Variants in ROBO2 observed in about 807,000 individuals in gnomAD.
The protein encoded by ROBO2 is roundabout guidance receptor 2.
ROBO2 carries 53 observed loss-of-function variants against 160.8 expected under a neutral mutation model. That is an observed-to-expected ratio of 0.33 (90% confidence interval 0.26 to 0.41). The LOEUF (loss-of-function observed/expected upper bound fraction) is 0.41. Ranked by LOEUF, ROBO2 falls within the 10% of genes least tolerant of loss-of-function variation. The pLI, the probability that ROBO2 is intolerant of heterozygous loss-of-function variation, is 1.00. For missense variants in ROBO2, 1,577 were observed against 1,722.4 expected (o/e 0.92, Z 1.49); for synonymous variants, 664 against 611.7 (o/e 1.09, Z -1.26).
chr3:77,352,347 C>T (rs927364018), intron 2 of ROBO2, among the ~76,000 whole-genome samples: 1 of 152,000 alleles, frequency 6.6e-6, no homozygotes, highest in Non-Finnish European at 1.5e-5. Context: ...GGCTTCTTTA[C>T]AATTCGTGCA....
At chr3:77,150,946 T>C (rs2150523842) in intron 2 of ROBO2, among the ~76,000 whole-genome samples, 1 of 152,254 alleles carries the variant, frequency 6.6e-6, no homozygotes, top group South Asian at 2.1e-4. Flanking sequence ...ACAGATGCTT[T>C]CAAGACATAG....
rs111741075 is a variant in ROBO2 at position 77,116,370 on chromosome 3, G to A, written c.388+18030G>A. On this transcript the variant is annotated intron_variant, in intron 2 of 25. Coordinates refer to ENST00000461745, the Ensembl canonical transcript of ROBO2. ...ATGTAACTGTTCATATTCAGCAATT[G>A]TGAATCCCTTAGTTTACTTGATGAC... 4.7e-3 allele frequency among the ~76,000 whole-genome samples: 711 copies of A among 152,226 alleles called. 8 individuals are homozygous for A. Among genetic ancestry groups the A allele is most frequent in the African/African-American group, 0.014 (576 of 41,530 alleles).
intron 2 of ROBO2, among the ~76,000 whole-genome samples, chr3:77,150,685 C>T (rs1161841759): frequency 6.6e-6 from 1 of 151,626 alleles, no homozygotes; most frequent in African/African-American, 2.4e-5. Context: ...ACTGAAAACT[C>T]AGTTTCAAAT....
intron 2 of ROBO2, among the ~76,000 whole-genome samples, chr3:76,032,097 G>C (rs1256127724): frequency 3.9e-5 from 6 of 152,126 alleles, no homozygotes; most frequent in Non-Finnish European, 7.3e-5. Context: ...GGGTGTATGT[G>C]TCCAGGAATT....
intron 2 of ROBO2, among the ~76,000 whole-genome samples, chr3:76,348,972 C>A (rs1186263712): frequency 1.3e-5 from 2 of 151,918 alleles, no homozygotes; most frequent in Non-Finnish European, 2.9e-5. Context: ...GTATTTATAC[C>A]CCAAGGAATT....
At chr3:76,310,119 A>T (rs2071508954) in intron 2 of ROBO2, among the ~76,000 whole-genome samples, 1 of 152,078 alleles carries the variant, frequency 6.6e-6, no homozygotes, top group Non-Finnish European at 1.5e-5. Flanking sequence ...ACCACGTCAG[A>T]CAATCCCAAA....
chr3:76,236,415 A>T (rs1156268066), intron 2 of ROBO2, among the ~76,000 whole-genome samples: 3 of 152,132 alleles, frequency 2.0e-5, no homozygotes, highest in Non-Finnish European at 4.4e-5. Flanking sequence ...ACTGAAATAA[A>T]TCTTGAGGGT....
At chr3:77,112,157 C>T (rs1214951543) in intron 2 of ROBO2, among the ~76,000 whole-genome samples, 2 of 139,058 alleles carry the variant, frequency 1.4e-5, no homozygotes, top group Admixed American at 1.5e-4. Flanking sequence ...GCGCCGCCGT[C>T]GCATTCCAGC....
In ROBO2 at chr3:77,162,833, TC is replaced by T. The variant is rs755999166; in HGVS notation, c.388+64494del. ...AGCAATGTTACTTTCTTTTTTCTTT[TC>T]TTTTTTTTCTTTTGAGATGGAGTCT... is the stretch of plus-strand genomic sequence containing the variant. On this transcript the variant is annotated intron_variant, in intron 2 of 25. Coordinates refer to ENST00000461745, the Ensembl canonical transcript of ROBO2. Among the ~76,000 whole-genome samples the T allele has an allele frequency of 4.6e-4, 70 of 152,202 alleles. 1 individual carries two copies. Among genetic ancestry groups the T allele is most frequent in the Non-Finnish European group, 8.7e-4 (59 of 67,990 alleles).
intron 2 of ROBO2, among the ~76,000 whole-genome samples, chr3:77,414,826 G>T (rs1330686555): frequency 2.0e-5 from 3 of 152,190 alleles, no homozygotes; most frequent in African/African-American, 7.2e-5. Context: ...AAAGAGAACA[G>T]ATTTCCAGAC....
chr3:75,951,371 C>G (rs964687192), intron 2 of ROBO2, among the ~76,000 whole-genome samples: 1 of 152,022 alleles, frequency 6.6e-6, no homozygotes, highest in African/African-American at 2.4e-5. Context: ...GTCTCTGTCT[C>G]TCCTTCATCT....
At chr3:76,128,085 G>A (rs894789286) in intron 2 of ROBO2, among the ~76,000 whole-genome samples, 6 of 151,672 alleles carry the variant, frequency 4.0e-5, no homozygotes, top group Admixed American at 3.3e-4. Flanking sequence ...TAGTAGAGAC[G>A]AGGTTTCATT....
chr3:76,241,794 A>T (rs1365767673), intron 2 of ROBO2, among the ~76,000 whole-genome samples: 1 of 152,212 alleles, frequency 6.6e-6, no homozygotes, highest in Admixed American at 6.5e-5. Context: ...TCCAGGAGGA[A>T]AAAATGTACT....
chr3:77,348,925 T>C (rs1457039101), intron 2 of ROBO2, among the ~76,000 whole-genome samples: 7 of 151,378 alleles, frequency 4.6e-5, no homozygotes, highest in Admixed American at 6.6e-5. Context: ...TGTCTGGCTC[T>C]CTCACTTTCT....
chr3:75,980,019 T>C (rs1447308613), intron 2 of ROBO2, among the ~76,000 whole-genome samples: 1 of 151,610 alleles, frequency 6.6e-6, no homozygotes, highest in Admixed American at 6.6e-5. Context: ...CAGTGACATT[T>C]TTCAAGTTAT....
Position 77,110,696 on chromosome 3 carries a change from TAG to T in ROBO2, c.388+12373_388+12374del, listed in dbSNP as rs369988521. Among the ~76,000 whole-genome samples the T allele has an allele frequency of 8.1e-3, 1,198 of 147,576 alleles. 15 individuals carry two copies. The highest frequency in any genetic ancestry group is 0.028 in the African/African-American group (1,113 of 40,254). On this transcript the variant is annotated intron_variant, in intron 2 of 25. Transcript: ENST00000461745. Reference sequence around the variant, plus strand: ...ATATATGTATATACATATATATATATAGAGAGAGAGAGAGAGAGGCAAGTTCT... The same window carrying T: ...ATATATGTATATACATATATATATATAGAGAGAGAGAGAGAGGCAAGTTCT...
intron 2 of ROBO2, among the ~76,000 whole-genome samples, chr3:77,034,843 T>C (rs1187866243): frequency 2.0e-5 from 3 of 151,958 alleles, no homozygotes; most frequent in Non-Finnish European, 4.4e-5. Context: ...TCGGAGCAGA[T>C]GGACTTGGAA....
At chr3:76,413,614 A>G (rs2075607638) in intron 2 of ROBO2, among the ~76,000 whole-genome samples, 1 of 152,162 alleles carries the variant, frequency 6.6e-6, no homozygotes, top group Non-Finnish European at 1.5e-5. Context: ...ACGTAACAAG[A>G]GTCACCTTCA....
intron 1 of ROBO2, among the ~76,000 whole-genome samples, chr3:77,041,670 G>A (rs2064115655): frequency 6.6e-6 from 1 of 152,182 alleles, no homozygotes. Context: ...TGAATGAAGA[G>A]TGGAAATAAT....
Sources: allele counts gnomAD v4.1 joint callset (sites outside exome capture counted in the v4.1 genomes callset), GRCh38; gene constraint gnomAD v4.1.1; transcripts MANE v1.5; gene names NCBI Gene and HGNC (gene_info 2026-07-23, HGNC 2026-07-21).